Variants in MAN2A1 observed in about 807,000 individuals in gnomAD.
The protein encoded by MAN2A1 is alpha-mannosidase 2.
In MAN2A1, 76 loss-of-function variants were observed where a neutral mutation model predicts 142.6. The ratio of observed to expected loss-of-function variants is 0.53; its 90% confidence interval spans 0.44 to 0.65. MAN2A1 has a LOEUF of 0.65. Among genes scored for constraint, MAN2A1 ranks in the 30% least tolerant of loss-of-function variants. The pLI is 0.00. For missense variants in MAN2A1, 1,311 were observed against 1,365.1 expected, an observed-to-expected ratio of 0.96 and a Z score of 0.62; for synonymous variants, 559 against 473.2, an observed-to-expected ratio of 1.18 and a Z score of -2.35.
At chr5:109,739,430 T>C (rs1179507295) in intron 4 of MAN2A1, among the ~76,000 whole-genome samples, 1 of 152,324 alleles carries the variant, frequency 6.6e-6, no homozygotes, top group East Asian at 1.9e-4. Context: ...CTCTAGTCTC[T>C]CTTTTTCATA....
At chr5:109,828,585 G>A (rs1226857464) in intron 16 of MAN2A1, among the ~76,000 whole-genome samples, 1 of 152,162 alleles carries the variant, frequency 6.6e-6, no homozygotes. Context: ...GGTCACTGTG[G>A]GTAACGAGTA....
intron 2 of MAN2A1, 32 bp downstream of exon 2, chr5:109,713,806 C>CTTTTTTT (rs56350644): frequency 1.7e-6 from 2 of 1,155,404 alleles, no homozygotes; most frequent in African/African-American, 1.6e-5. Flanking sequence ...AATCACTGGC[C>CTTTTTTT]TTTTTTTTTT....
In MAN2A1 at chr5:109,866,833, A is replaced by G; in HGVS notation, c.3283-13A>G. 6.4e-7 allele frequency: 1 copy of G among 1,564,828 alleles called. No homozygotes were observed. The highest frequency in any genetic ancestry group is 8.8e-7 in the Non-Finnish European group (1 of 1,141,678). On this transcript the variant is annotated splice_polypyrimidine_tract_variant and intron_variant, in intron 21 of 21. Coordinates refer to ENST00000261483, the MANE Select transcript of MAN2A1 (RefSeq NM_002372.4). ...TTGATCTAAATATGTAAATTTTATC[A>G]TTTACTTTTCAGATATTGGTACAGA...
chr5:109,743,949 C>T (rs1752336059), intron 4 of MAN2A1, among the ~76,000 whole-genome samples: 1 of 152,186 alleles, frequency 6.6e-6, no homozygotes, highest in South Asian at 2.1e-4. Flanking sequence ...ACACTCTACT[C>T]AGGCATTCTG....
At chr5:109,740,629 TGAGGGCGAA>T (rs1752240810) in intron 4 of MAN2A1, among the ~76,000 whole-genome samples, 1 of 152,102 alleles carries the variant, frequency 6.6e-6, no homozygotes, top group Admixed American at 6.5e-5. Context: ...ACAAGTGCCA[TGAGGGCGAA>T]GAGTCTGTGA....
chr5:109,778,462 A>C (rs577695264), intron 8 of MAN2A1, among the ~76,000 whole-genome samples: 3 of 152,096 alleles, frequency 2.0e-5, no homozygotes, highest in Non-Finnish European at 2.9e-5. Context: ...CGTTAGTCAT[A>C]ATGTTTGCTG....
chr5:109,817,190 G>GTA, intron 12 of MAN2A1, 83 bp from the exon 13 acceptor site: 3 of 696,654 alleles, frequency 4.3e-6, no homozygotes, highest in Non-Finnish European at 4.3e-6. Flanking sequence ...ATATGTATAT[G>GTA]TATATGTATA....
chr5:109,694,658 G>GTT (rs33993965), intron 1 of MAN2A1, among the ~76,000 whole-genome samples: 10,441 of 146,586 alleles, frequency 0.071, 364 homozygotes, highest in South Asian at 0.1. Flanking sequence ...TGCCTTTTGT[G>GTT]TTTTTTTTTT....
intron 3 of MAN2A1, among the ~76,000 whole-genome samples, chr5:109,723,959 C>T (rs1751674586): frequency 6.6e-6 from 1 of 152,018 alleles, no homozygotes; most frequent in African/African-American, 2.4e-5. Context: ...AGCTTTATTG[C>T]TTTGCCCTTA....
intron 12 of MAN2A1, among the ~76,000 whole-genome samples, chr5:109,811,949 T>C (rs1229048792): frequency 1.3e-5 from 2 of 152,122 alleles, no homozygotes. Context: ...TTTATTTAGA[T>C]TTATACATGC....
chr5:109,748,201 T>C (rs984083922), intron 4 of MAN2A1, among the ~76,000 whole-genome samples: 3 of 152,194 alleles, frequency 2.0e-5, no homozygotes, highest in African/African-American at 7.2e-5. Flanking sequence ...TTGATAGTTA[T>C]TGCCAGCAGT....
At chr5:109,737,425 T>C (rs540937322) in intron 4 of MAN2A1, among the ~76,000 whole-genome samples, 6 of 144,652 alleles carry the variant, frequency 4.1e-5, no homozygotes, top group Non-Finnish European at 8.9e-5. Flanking sequence ...GTATACTTTT[T>C]ATTCTTTAGA....
chr5:109,691,399 C>A (rs977184060), intron 1 of MAN2A1, among the ~76,000 whole-genome samples: 12 of 152,196 alleles, frequency 7.9e-5, no homozygotes, highest in Admixed American at 6.5e-4. Context: ...TCAGAAATTG[C>A]GGTGAAACTG....
At chr5:109,705,546 A>C (rs1477683915) in intron 1 of MAN2A1, among the ~76,000 whole-genome samples, 1 of 152,130 alleles carries the variant, frequency 6.6e-6, no homozygotes, top group Non-Finnish European at 1.5e-5. Flanking sequence ...TTGGGCAAGA[A>C]TTTCTCTAAA....
rs746166218 is a variant in MAN2A1, at chr5:109,774,990, C to T, written c.1374+25C>T. Reference sequence around the variant, plus strand: ...GGTAAGGAGAAAATATTTATGATTCCGTATTTGAAATTGAACCTTTATTAT... The same window carrying T: ...GGTAAGGAGAAAATATTTATGATTCTGTATTTGAAATTGAACCTTTATTAT... On this transcript the variant is annotated intron_variant, in intron 8 of 21. Transcript: ENST00000261483. 4.0e-5 allele frequency: 60 copies of T among 1,499,280 alleles called. No individual in the cohort carries two copies. The South Asian group carries it at 5.7e-4, about 14-fold the overall frequency. The allele number at this position is 1,499,280 out of a possible 1,614,324, so 92.9% of individuals were successfully genotyped here. A position where few individuals can be genotyped will look rare whatever the true frequency, so the allele number is the denominator to read the frequency against.
At chr5:109,765,699 C>A (rs753868997) in intron 5 of MAN2A1, among the ~76,000 whole-genome samples, 70 of 152,178 alleles carry the variant, frequency 4.6e-4, no homozygotes, top group Middle Eastern at 3.4e-3. Flanking sequence ...GAAGAGCTTT[C>A]CTTCTTATTT....
At chr5:109,771,249 G>A (rs13436015) in intron 7 of MAN2A1, among the ~76,000 whole-genome samples, 15,955 of 152,058 alleles carry the variant, frequency 0.1, 1,188 homozygotes, top group African/African-American at 0.22. Context: ...ACATTGTGGT[G>A]TAATATAAAA....
chr5:109,734,198 C>G lies in MAN2A1; in HGVS notation c.707+4685C>G, dbSNP rs946419688. On this transcript the variant is annotated intron_variant, in intron 4 of 21. Transcript: ENST00000261483. Reference sequence around the variant, plus strand: ...ATGGTAGTTTGTATTTCTGTGGGATCGGTGGTGATATCCCCTTTATCATTT... The same window carrying G: ...ATGGTAGTTTGTATTTCTGTGGGATGGGTGGTGATATCCCCTTTATCATTT... Among the ~76,000 whole-genome samples the G allele has an allele frequency of 3.3e-5, 5 of 150,872 alleles. No homozygotes were observed. The South Asian group carries it at 1.0e-3, about 32-fold the overall frequency.
In MAN2A1 at chr5:109,847,723, T is replaced by C; in HGVS notation, c.2909T>C (p.Ile970Thr). The C allele has an allele frequency of 6.2e-7, 1 of 1,603,196 alleles. No homozygotes were observed. The highest frequency in any genetic ancestry group is 8.5e-7 in the Non-Finnish European group (1 of 1,175,148). Reference protein sequence around the residue: ...QDDNRGLEQGIQDNKITANLF... With the variant: ...QDDNRGLEQGTQDNKITANLF... The stretch of plus-strand genomic sequence containing the variant: ...GATAATCGTGGCCTTGAGCAAGGTA[T>C]CCAGGATAACAAGATTACAGCTAAT... Residue 970 changes from isoleucine (I) to threonine (T), a missense_variant, in exon 19 of 22, where the codon ATC becomes ACC. Ile to Thr is a moderately conservative substitution (Grantham distance 89). Transcript: ENST00000261483.
Sources: gnomAD v4.1 joint callset for allele counts (sites outside exome capture counted in the v4.1 genomes callset) on GRCh38, gnomAD v4.1.1 for gene constraint, MANE v1.5 for transcripts, NCBI Gene and HGNC (gene_info 2026-07-23, HGNC 2026-07-21) for gene names.